The following PTPRD variants were observed in gnomAD, a reference collection of about 807,000 sequenced individuals.
PTPRD encodes receptor-type tyrosine-protein phosphatase delta.
PTPRD carries 34 observed loss-of-function variants against 214.5 expected under a neutral mutation model. The ratio of observed to expected loss-of-function variants is 0.16; its 90% CI spans 0.12 to 0.21. The LOEUF (loss-of-function observed/expected upper bound fraction) is 0.21. Among genes scored for constraint, PTPRD ranks in the 10% least tolerant of loss-of-function variants. PTPRD has a pLI of 1.00. For missense variants in PTPRD, 2,545 were observed against 2,398.7 expected (o/e 1.06, Z -1.27); for synonymous variants, 1,128 against 845.7 (o/e 1.33, Z -5.79).
At chr9:9,213,598 C>A (rs1386225785) in intron 9 of PTPRD, among the ~76,000 whole-genome samples, 2 of 152,044 alleles carry the variant, frequency 1.3e-5, no homozygotes, top group African/African-American at 2.4e-5. Context: ...ATATTTATTA[C>A]AATTTTATAA....
chr9:9,158,297 T>C (rs1278547649), intron 10 of PTPRD, among the ~76,000 whole-genome samples: 3 of 152,114 alleles, frequency 2.0e-5, no homozygotes, highest in Non-Finnish European at 2.9e-5. Flanking sequence ...TGCCACACTG[T>C]CGTCAACAAT....
At chr9:9,828,184 G>T (rs917612624) in intron 5 of PTPRD, among the ~76,000 whole-genome samples, 6 of 152,042 alleles carry the variant, frequency 3.9e-5, no homozygotes, top group African/African-American at 1.4e-4. Flanking sequence ...AAATCATGCT[G>T]CTATAAAGAC....
intron 4 of PTPRD, among the ~76,000 whole-genome samples, chr9:10,016,832 T>A (rs1202256960): frequency 6.6e-6 from 1 of 152,116 alleles, no homozygotes; most frequent in Non-Finnish European, 1.5e-5. Flanking sequence ...GTCTGGCTAA[T>A]CTTTTGATTT....
intron 2 of PTPRD, among the ~76,000 whole-genome samples, chr9:10,557,975 C>G (rs527874357): frequency 2.0e-5 from 3 of 152,260 alleles, no homozygotes; most frequent in Non-Finnish European, 4.4e-5. Context: ...CACATGTGCT[C>G]TGTTGGAATC....
At chr9:8,872,370 A>G (rs2098315549) in intron 11 of PTPRD, among the ~76,000 whole-genome samples, 1 of 152,258 alleles carries the variant, frequency 6.6e-6, no homozygotes. Context: ...TCAGAAAAAC[A>G]AAAGACTTCT....
intron 23 of PTPRD, among the ~76,000 whole-genome samples, chr9:8,502,308 G>A (rs1258594935): frequency 6.6e-6 from 1 of 152,096 alleles, no homozygotes; most frequent in Admixed American, 6.5e-5. Context: ...CAATGTATAT[G>A]GTAGACTGAA....
chr9:9,645,131 G>A (rs2154368787), intron 7 of PTPRD, among the ~76,000 whole-genome samples: 1 of 152,308 alleles, frequency 6.6e-6, no homozygotes, highest in Non-Finnish European at 1.5e-5. Context: ...CGCTCTCCCT[G>A]GCTCCTGCAC....
intron 4 of PTPRD, among the ~76,000 whole-genome samples, chr9:9,989,703 T>C (rs1478630311): frequency 6.6e-6 from 1 of 152,160 alleles, no homozygotes; most frequent in African/African-American, 2.4e-5. Context: ...CTGAACTGTT[T>C]AACATTTAAG....
chr9:10,325,124 A>C (rs1199850688), intron 3 of PTPRD, among the ~76,000 whole-genome samples: 1 of 152,020 alleles, frequency 6.6e-6, no homozygotes, highest in African/African-American at 2.4e-5. Flanking sequence ...CAAGTATTCT[A>C]GAAGAGTGTT....
chr9:10,464,703 T>G (rs940441695), intron 2 of PTPRD, among the ~76,000 whole-genome samples: 2 of 151,670 alleles, frequency 1.3e-5, no homozygotes, highest in African/African-American at 4.9e-5. Flanking sequence ...ATTAACTTTT[T>G]AAATATTTTT....
intron 3 of PTPRD, among the ~76,000 whole-genome samples, chr9:10,113,029 A>G (rs2098704290): frequency 6.6e-6 from 1 of 152,192 alleles, no homozygotes; most frequent in East Asian, 1.9e-4. Context: ...AACGCCAACC[A>G]TCATCTGGGT....
intron 5 of PTPRD, among the ~76,000 whole-genome samples, chr9:9,805,236 G>A (rs1282163971): frequency 2.6e-5 from 4 of 152,254 alleles, no homozygotes; most frequent in Admixed American, 6.5e-5. Context: ...CAATGACCTA[G>A]TAGTATGAGA....
chr9:10,521,099 G>A (rs1189308165), intron 2 of PTPRD, among the ~76,000 whole-genome samples: 1 of 151,904 alleles, frequency 6.6e-6, no homozygotes, highest in African/African-American at 2.4e-5. Context: ...TGGGAAAAGT[G>A]CACTGAAAAC....
chr9:8,897,552 C>G (rs770449309), intron 11 of PTPRD, among the ~76,000 whole-genome samples: 8 of 152,162 alleles, frequency 5.3e-5, no homozygotes, highest in Non-Finnish European at 8.8e-5. Flanking sequence ...CCAGAGAGGG[C>G]CTTCGCCATG....
chr9:9,944,381 G>A (rs2092212021), intron 4 of PTPRD, among the ~76,000 whole-genome samples: 1 of 151,654 alleles, frequency 6.6e-6, no homozygotes, highest in South Asian at 2.1e-4. Flanking sequence ...TCTACTATGT[G>A]CTAGCACTAA....
intron 5 of PTPRD, among the ~76,000 whole-genome samples, chr9:9,928,963 T>C (rs758978488): frequency 1.3e-5 from 2 of 152,208 alleles, no homozygotes; most frequent in African/African-American, 2.4e-5. Flanking sequence ...AGTTGATTTA[T>C]AAAATAGAGA....
At chr9:9,537,878 A>T (rs1480500580) in intron 8 of PTPRD, among the ~76,000 whole-genome samples, 1 of 151,650 alleles carries the variant, frequency 6.6e-6, no homozygotes, top group Non-Finnish European at 1.5e-5. Flanking sequence ...TGAGCTTATT[A>T]ATTTTTTTCA....
chr9:9,108,490 C>T (rs2099801775), intron 10 of PTPRD, among the ~76,000 whole-genome samples: 1 of 152,144 alleles, frequency 6.6e-6, no homozygotes, highest in African/African-American at 2.4e-5. Flanking sequence ...CTTACAAAGT[C>T]CACCCAAGGT....
chr9:10,211,126 A>G (rs1019392756), intron 3 of PTPRD, among the ~76,000 whole-genome samples: 5 of 152,052 alleles, frequency 3.3e-5, no homozygotes, highest in African/African-American at 1.2e-4. Flanking sequence ...ATAAAAAATG[A>G]AAACAGCTGA....
Sources: gnomAD v4.1 joint callset for allele counts (sites outside exome capture counted in the v4.1 genomes callset) on GRCh38, gnomAD v4.1.1 for gene constraint, MANE v1.5 for transcripts, NCBI Gene and HGNC (gene_info 2026-07-23, HGNC 2026-07-21) for gene names.